KIF5A: variants seen among roughly 807,000 people sequenced by gnomAD.
KIF5A encodes the protein kinesin heavy chain isoform 5A.
In KIF5A, 35 loss-of-function variants were observed where a neutral mutation model predicts 141.3. That is an observed-to-expected ratio of 0.25 (90% CI 0.19 to 0.33). The LOEUF (loss-of-function observed/expected upper bound fraction) is 0.33. Ranked by LOEUF, KIF5A falls within the 10% of genes least tolerant of loss-of-function variation. The probability of loss-of-function intolerance (pLI) is 1.00; values close to 1 mark genes in which losing one functional copy is unlikely to be tolerated. For synonymous variants in KIF5A, 448 were observed against 500.2 expected (o/e 0.90, Z 1.39); for missense variants, 861 against 1,314.3 (o/e 0.66, Z 5.33).
chr12:57,554,511 C>G (rs116844988), intron 1 of KIF5A, among the ~76,000 whole-genome samples: 2,188 of 152,290 alleles, frequency 0.014, 30 homozygotes, highest in Non-Finnish European at 0.02. Context: ...ACCTCCAGAT[C>G]CCAAGTATCT....
At position 57,577,779 on chromosome 12, in the gene KIF5A, T is replaced by C. The variant is rs1188631756; in HGVS notation, c.2361+6T>C. The C allele has an allele frequency of 1.2e-6, 2 of 1,611,676 alleles. No individual in the cohort carries two copies. The highest frequency in any genetic ancestry group is 1.7e-6 in the Non-Finnish European group (2 of 1,177,908). On this transcript the variant is annotated splice_donor_region_variant and intron_variant, in intron 21 of 28. Coordinates refer to ENST00000455537, the MANE Select transcript of KIF5A (RefSeq NM_004984.4). The stretch of plus-strand genomic sequence containing the variant: ...AGGGTCTGGAGGAGACAGTTGTGAG[T>C]GGTTCCCTTCTGTGCCAAATTCACA...
intron 1 of KIF5A, among the ~76,000 whole-genome samples, chr12:57,554,792 G>A (rs1881682389): frequency 6.6e-6 from 1 of 152,160 alleles, no homozygotes; most frequent in African/African-American, 2.4e-5. Flanking sequence ...AAGAGGGAGA[G>A]CAAGAGGTGC....
At position 57,575,682 on chromosome 12, in the gene KIF5A, G is replaced by T. The variant is rs374729476; in HGVS notation, c.1948G>T (p.Val650Leu). ...IRSLTEYMQS[V>L]ELKKRHLEES... ...CTCGCTTACGGAATACATGCAGAGC[G>T]TGGAGCTAAAGAAGCGGCACCTGGA... Residue 650 changes from valine to leucine, a missense_variant, in exon 17 of 29, where the codon GTG becomes TTG. Around this residue, in one of 5 missense-constraint regions of KIF5A, gnomAD observed 482 missense variants for 661.3 expected, o/e 0.73. Transcript: ENST00000455537. 2.5e-6 allele frequency: 4 copies of T among 1,614,176 alleles called. No homozygotes were observed. Among genetic ancestry groups the T allele is most frequent in the Non-Finnish European group, 8.5e-7 (1 of 1,180,040 alleles).
At position 57,585,371 on chromosome 12, in the gene KIF5A, G is replaced by A. The variant is rs1016103626; in HGVS notation, c.*1190G>A. 4 of 154,338 alleles carry A rather than the reference G, an allele frequency of 2.6e-5. No homozygotes were observed. Among genetic ancestry groups the A allele is most frequent in the African/African-American group, 9.6e-5 (4 of 41,478 alleles). The allele number at this position is 154,338 out of a possible 1,614,324, so 9.6% of individuals were successfully genotyped here. On this transcript the variant is annotated 3_prime_UTR_variant, in exon 29 of 29. Coordinates refer to ENST00000455537, the MANE Select transcript of KIF5A (RefSeq NM_004984.4). ...TGCACTTTAAAGAAAGGGGCAGGGT[G>A]GATTTTCAAGAGGTGGGAAGCTCTA...
At position 57,570,150 on chromosome 12, in the gene KIF5A, G is replaced by A. The variant is rs771610789; in HGVS notation, c.1281G>A (p.Gln427=). The part of the protein sequence containing the change: ...YEEEIRRLYK[Q]LDDKDDEINQ... ...AGGAGATCCGCCGTCTCTATAAGCA[G>A]CTTGACGACAAGGTGAGGGCGGCCA... The change falls in exon 12 of 29, where the codon CAG becomes CAA. Residue 427 remains glutamine, a synonymous_variant. Transcript: ENST00000455537. 1.4e-5 allele frequency: 22 copies of A among 1,613,642 alleles called. No homozygotes were observed. In the East Asian group the frequency reaches 4.9e-4, roughly 36 times the overall value.
intron 1 of KIF5A, 109 bp from the exon 2 acceptor site, chr12:57,563,330 G>A: frequency 1.3e-6 from 1 of 784,758 alleles, no homozygotes; most frequent in Non-Finnish European, 2.3e-6. Context: ...TGTTCATTAA[G>A]GGCATTGAAG....
chr12:57,552,890 A>G (rs1433103589), intron 1 of KIF5A, among the ~76,000 whole-genome samples: 1 of 152,062 alleles, frequency 6.6e-6, no homozygotes, highest in East Asian at 1.9e-4. Context: ...TGAGCTTCAG[A>G]GTCCCTTCTG....
In KIF5A at chr12:57,583,205, TGCACTTTCAGGTAGCGTCA is replaced by T; in HGVS notation, c.*28_*36+10del. The T allele has an allele frequency of 6.2e-7, 1 of 1,602,250 alleles. No individual in the cohort carries two copies. The highest frequency in any genetic ancestry group is 8.5e-7 in the Non-Finnish European group (1 of 1,170,834). On this transcript the variant is annotated splice_donor_variant and splice_donor_5th_base_variant and 3_prime_UTR_variant and intron_variant, in exon 28 of 29. Transcript: ENST00000455537. LOFTEE classifies it low-confidence loss of function (3UTR_SPLICE). ...TCTCCCACACCCACGGCTGCATACCTGCACTTTCAGGTAGCGTCAGGCTGCTTCCTCGGACCAGCCTCAG... is the reference window on the plus strand; with the variant it reads ...TCTCCCACACCCACGGCTGCATACCTGGCTGCTTCCTCGGACCAGCCTCAG...
Position 57,586,122 on chromosome 12 carries a change from T to C in KIF5A, c.*1941T>C, listed in dbSNP as rs1441501170. 4.0e-5 allele frequency: 6 copies of C among 151,770 alleles called. No homozygotes were observed. Among genetic ancestry groups the C allele is most frequent in the African/African-American group, 1.5e-4 (6 of 41,296 alleles). The allele number at this position is 151,770 out of a possible 1,614,324, so 9.4% of individuals were successfully genotyped here. A position where few individuals can be genotyped will look rare whatever the true frequency, so the allele number is the denominator to read the frequency against. On this transcript the variant is annotated 3_prime_UTR_variant, in exon 29 of 29. Transcript: ENST00000455537. Reference sequence around the variant, plus strand: ...CAACTCATGGAAAAGAGGGCAACGGTGGGGTAGACAAGCCATGCTGTCTCC... The same window carrying C: ...CAACTCATGGAAAAGAGGGCAACGGCGGGGTAGACAAGCCATGCTGTCTCC...
intron 1 of KIF5A, among the ~76,000 whole-genome samples, chr12:57,553,214 G>A (rs1174959879): frequency 6.6e-6 from 1 of 152,130 alleles, no homozygotes; most frequent in Admixed American, 6.5e-5. Context: ...TGCTGCATCT[G>A]TACCAGATGT....
chr12:57,569,167 C>T (rs1189674505), intron 9 of KIF5A, 89 bp from the exon 10 acceptor site: 4 of 1,575,826 alleles, frequency 2.5e-6, no homozygotes, highest in Admixed American at 3.4e-5. Context: ...CATGGGTTGT[C>T]TGATCCCGGG....
chr12:57,581,257 C>A, intron 24 of KIF5A, 85 bp downstream of exon 24: 1 of 1,502,934 alleles, frequency 6.7e-7, no homozygotes. Flanking sequence ...TAGATTATTG[C>A]TTCTTACCTA....
chr12:57,559,200 A>G (rs941094920), intron 1 of KIF5A, among the ~76,000 whole-genome samples: 4 of 152,200 alleles, frequency 2.6e-5, no homozygotes, highest in African/African-American at 9.6e-5. Flanking sequence ...TATTTTTTGC[A>G]TATGTGCAGT....
chr12:57,567,528 C>T lies in KIF5A; in HGVS notation c.624C>T (p.Ile208=). The T allele has an allele frequency of 1.2e-6, 2 of 1,613,584 alleles. No individual in the cohort carries two copies. The highest frequency in any genetic ancestry group is 2.2e-5 in the South Asian group (2 of 91,038). The change falls in exon 8 of 29, where the codon ATC becomes ATT. Residue 208 remains isoleucine, a synonymous_variant. Transcript: ENST00000455537. ...AACACAGCTCTCGGAGCCACAGCATCTTCCTCATCAACATCAAGCAGGAGA... is the reference window on the plus strand; with the variant it reads ...AACACAGCTCTCGGAGCCACAGCATTTTCCTCATCAACATCAAGCAGGAGA... ...MNEHSSRSHS[I]FLINIKQENM... is the part of the protein sequence containing the mutation.
chr12:57,575,406 G>A lies in KIF5A; in HGVS notation c.1905+134G>A, dbSNP rs898210489. On this transcript the variant is annotated intron_variant, in intron 16 of 28. Transcript: ENST00000455537. Reference sequence around the variant, plus strand: ...AAGTGAAATCAAGGACAGAAAAGCTGGGGTGGCAGGGGTGCAGATCAGGGC... The same window carrying A: ...AAGTGAAATCAAGGACAGAAAAGCTAGGGTGGCAGGGGTGCAGATCAGGGC... 9.3e-6 allele frequency: 10 copies of A among 1,080,754 alleles called. No homozygotes were observed. The African/African-American group carries it at 1.3e-4, about 14-fold the overall frequency. The allele number at this position is 1,080,754 out of a possible 1,614,324, so 66.9% of individuals were successfully genotyped here.
chr12:57,570,242 C>A, intron 12 of KIF5A, 80 bp downstream of exon 12: 1 of 1,313,098 alleles, frequency 7.6e-7, no homozygotes, highest in South Asian at 1.2e-5. Flanking sequence ...CTTATATTGC[C>A]TCTTTCTGGT....
chr12:57,565,255 A>G (rs1882028455), intron 6 of KIF5A, among the ~76,000 whole-genome samples: 1 of 151,458 alleles, frequency 6.6e-6, no homozygotes, highest in Non-Finnish European at 1.5e-5. Flanking sequence ...CCCCGTTTCT[A>G]CTAAAAATAC....
chr12:57,563,535 T>C lies in KIF5A; in HGVS notation c.217+9T>C. On this transcript the variant is annotated intron_variant, in intron 2 of 28. Coordinates refer to ENST00000455537, the MANE Select transcript of KIF5A (RefSeq NM_004984.4). Reference sequence around the variant, plus strand: ...CATGCAGATTGTCAAAGGTAATAGATTTCTTTTTAGAATGTCTCTTCTCAG... The same window carrying C: ...CATGCAGATTGTCAAAGGTAATAGACTTCTTTTTAGAATGTCTCTTCTCAG... The C allele has an allele frequency of 6.2e-7, 1 of 1,612,552 alleles. No homozygotes were observed. The highest frequency in any genetic ancestry group is 2.2e-5 in the East Asian group (1 of 44,872).
chr12:57,572,292 C>T lies in KIF5A; in HGVS notation c.1569+25C>T. 6.4e-7 allele frequency: 1 copy of T among 1,560,584 alleles called. No homozygotes were observed. Among genetic ancestry groups the T allele is most frequent in the East Asian group, 2.4e-5 (1 of 41,668 alleles). On this transcript the variant is annotated intron_variant, in intron 14 of 28. Transcript: ENST00000455537. The surrounding 1 kb of genome is among the most constrained non-coding windows in gnomAD (Gnocchi z 4.2). ...GGTAAGTGGTGTGCCAATGGTCCAA[C>T]AGCTCCCTGACCACAGAACATCTCC...
Sources: gnomAD v4.1 joint callset for allele counts (sites outside exome capture counted in the v4.1 genomes callset) on GRCh38, gnomAD v4.1.1 for gene constraint, gnomAD v4.1.1 regional missense constraint, Gnocchi (gnomAD v3.1) non-coding constraint, MANE v1.5 for transcripts, NCBI Gene and HGNC (gene_info 2026-07-23, HGNC 2026-07-21) for gene names.